Variants in DNAH7 observed in about 807,000 individuals in gnomAD.
DNAH7 encodes the protein axonemal beta dynein heavy chain 7.
Under a neutral mutation model 444.6 loss-of-function variants are expected in DNAH7, and 397 were observed. That is an observed-to-expected ratio of 0.89 (90% CI 0.82 to 0.97). The LOEUF is 0.97. DNAH7 is among the 50% of genes least tolerant of loss of function. The probability of loss-of-function intolerance (pLI) is 0.00; values close to 1 mark genes in which losing one functional copy is unlikely to be tolerated. For synonymous variants in DNAH7, 1,636 were observed against 1,624.4 expected (o/e 1.01, Z -0.17); for missense variants, 4,902 against 4,800.8 (o/e 1.02, Z -0.62).
At chr2:195,923,944 AT>A in intron 22 of DNAH7, 137 bp from the exon 23 acceptor site, 2 of 881,166 alleles carry the variant, frequency 2.3e-6, no homozygotes, top group Non-Finnish European at 3.4e-6. Flanking sequence ...TTTAAAAATA[AT>A]TTGTTTTTCT....
At chr2:196,055,992 T>C (rs1217505571) in intron 2 of DNAH7, among the ~76,000 whole-genome samples, 1 of 152,228 alleles carries the variant, frequency 6.6e-6, no homozygotes, top group Non-Finnish European at 1.5e-5. Context: ...TCTTATAGAA[T>C]ATTTTACAAA....
chr2:196,019,249 T>G lies in DNAH7; in HGVS notation c.790A>C (p.Ser264Arg). Residue 264 changes from serine to arginine, a missense_variant, in exon 9 of 65, where the codon AGC becomes CGC. Ser to Arg is a moderately radical substitution (Grantham distance 110). Coordinates refer to ENST00000312428, the MANE Select transcript of DNAH7 (RefSeq NM_018897.3). ...TTCAAGTGATCCCTAATATAACTGC[T>G]TGCAGCTAAAAAAGATTTCCTCCAA... ...KPWRKSFLAASSYIRDHLNAM... is the reference protein window; with the variant it reads ...KPWRKSFLAARSYIRDHLNAM... 3 of 1,506,700 alleles carry G rather than the reference T, an allele frequency of 2.0e-6. No individual in the cohort carries two copies. Among genetic ancestry groups the G allele is most frequent in the Non-Finnish European group, 2.7e-6 (3 of 1,113,492 alleles). 93.3% of individuals were successfully genotyped at this position (1,506,700 alleles called of 1,614,324 possible).
chr2:195,763,443 T>C (rs1300510589), intron 61 of DNAH7, among the ~76,000 whole-genome samples: 3 of 152,106 alleles, frequency 2.0e-5, no homozygotes, highest in African/African-American at 7.2e-5. Context: ...GAAAAGTTGA[T>C]TTTATGAAAA....
At chr2:195,930,877 C>T (rs1688646340) in intron 21 of DNAH7, among the ~76,000 whole-genome samples, 1 of 152,048 alleles carries the variant, frequency 6.6e-6, no homozygotes, top group African/African-American at 2.4e-5. Flanking sequence ...TTTGCAGCAA[C>T]ATGGATGCAG....
Position 195,754,502 on chromosome 2 carries a change from C to T in DNAH7, c.11599G>A (p.Val3867Ile), listed in dbSNP as rs1693973277. The T allele has an allele frequency of 6.2e-7, 1 of 1,613,772 alleles. No homozygotes were observed. The highest frequency in any genetic ancestry group is 1.3e-5 in the African/African-American group (1 of 74,898). The change falls in exon 63 of 65, where the codon GTT (valine) becomes ATT (isoleucine). Residue 3867 changes from valine (V) to isoleucine (I), a missense_variant. By Grantham distance (29) the Val-to-Ile change is conservative. Coordinates refer to ENST00000312428, the MANE Select transcript of DNAH7 (RefSeq NM_018897.3). ...AGCCAGAAGACTGGAGGAGGACCAACCTCATACCATTGCTAGGGTGTAAAA... is the reference window on the plus strand; with the variant it reads ...AGCCAGAAGACTGGAGGAGGACCAATCTCATACCATTGCTAGGGTGTAAAA... The part of the protein sequence containing the change: ...RLKFLQQWYE[V>I]GPPPVFWLSG...
At chr2:195,937,782 C>T (rs989624445) in intron 19 of DNAH7, among the ~76,000 whole-genome samples, 1 of 151,734 alleles carries the variant, frequency 6.6e-6, no homozygotes, top group South Asian at 2.1e-4. Flanking sequence ...ACATCATTGA[C>T]AATGTAAGGA....
intron 5 of DNAH7, among the ~76,000 whole-genome samples, chr2:196,041,935 C>T (rs1411204295): frequency 6.6e-6 from 1 of 151,948 alleles, no homozygotes; most frequent in African/African-American, 2.4e-5. Context: ...AGAAGATGTA[C>T]ATATGGCCAA....
chr2:195,992,510 T>G (rs1182817477), intron 12 of DNAH7, among the ~76,000 whole-genome samples: 1 of 152,212 alleles, frequency 6.6e-6, no homozygotes, highest in African/African-American at 2.4e-5. Context: ...TTTTGTGTTT[T>G]TTTGTTTGTT....
rs118149295 is a variant in DNAH7 at position 195,964,955 on chromosome 2, T to G, written c.2206-4010A>C. 0.019 allele frequency among the ~76,000 whole-genome samples: 2,948 copies of G among 152,234 alleles called. 242 individuals carry two copies. In the East Asian group the frequency reaches 0.27, roughly 14 times the overall value. The stretch of plus-strand genomic sequence containing the variant: ...CCTTTCCAGTTTGGATGCCCTTTAT[T>G]TCCTTCTCTCATTGGACTGCTGTAG... On this transcript the variant is annotated intron_variant, in intron 17 of 64. Coordinates refer to ENST00000312428, the MANE Select transcript of DNAH7 (RefSeq NM_018897.3).
At chr2:196,020,175 T>A (rs1174374173) in intron 8 of DNAH7, among the ~76,000 whole-genome samples, 1 of 152,176 alleles carries the variant, frequency 6.6e-6, no homozygotes, top group Non-Finnish European at 1.5e-5. Context: ...ACATAAAATA[T>A]GTTTTAATTG....
At chr2:195,836,238 C>A (rs1301881915) in intron 47 of DNAH7, among the ~76,000 whole-genome samples, 1 of 152,124 alleles carries the variant, frequency 6.6e-6, no homozygotes, top group Non-Finnish European at 1.5e-5. Context: ...ATGTTCAGGG[C>A]CAGCATGGTG....
chr2:195,803,905 A>T (rs1277132949), intron 54 of DNAH7, among the ~76,000 whole-genome samples: 1 of 152,188 alleles, frequency 6.6e-6, no homozygotes, highest in Non-Finnish European at 1.5e-5. Context: ...AACACTATAA[A>T]CTATTAAATT....
At chr2:195,869,642 C>T (rs557223002) in intron 40 of DNAH7, among the ~76,000 whole-genome samples, 4 of 152,168 alleles carry the variant, frequency 2.6e-5, no homozygotes, top group Non-Finnish European at 4.4e-5. Flanking sequence ...GGAGCTATTC[C>T]AGAGCATCAA....
At chr2:195,762,045 A>T (rs1259259255) in intron 61 of DNAH7, among the ~76,000 whole-genome samples, 1 of 152,204 alleles carries the variant, frequency 6.6e-6, no homozygotes, top group Non-Finnish European at 1.5e-5. Flanking sequence ...AGACAGAGAC[A>T]GTATAATAGG....
intron 21 of DNAH7, among the ~76,000 whole-genome samples, chr2:195,930,682 T>G (rs1688632615): frequency 6.6e-6 from 1 of 151,984 alleles, no homozygotes; most frequent in Non-Finnish European, 1.5e-5. Context: ...TGAGTATATA[T>G]CCAAAAGAAA....
chr2:195,881,615 T>C (rs1409330327), intron 36 of DNAH7, among the ~76,000 whole-genome samples, 180 bp downstream of exon 36: 2 of 151,330 alleles, frequency 1.3e-5, no homozygotes, highest in East Asian at 1.9e-4. Flanking sequence ...AAATAGGCAA[T>C]TATCACTTCT....
At position 195,960,660 on chromosome 2, in the gene DNAH7, C is replaced by T. The variant is rs765182375; in HGVS notation, c.2491G>A (p.Val831Met). The T allele has an allele frequency of 5.0e-6, 8 of 1,614,072 alleles. No homozygotes were observed. Among genetic ancestry groups the T allele is most frequent in the African/African-American group, 1.3e-5 (1 of 74,940 alleles). The change falls in exon 18 of 65, where the codon GTG becomes ATG. Residue 831 changes from valine to methionine, a missense_variant. Physicochemically the swap from Val to Met is conservative, Grantham distance 21. Transcript: ENST00000312428. ...GGAATGTGCTGCTTGAAATCTTCCA[C>T]CTTTGATCTTACTTTTTTTGTCATT... ...LAMTKKVRSK[V>M]EDFKQHIPLI...
chr2:195,900,573 C>T (rs946204744), intron 27 of DNAH7, 79 bp from the exon 28 acceptor site: 14 of 1,316,776 alleles, frequency 1.1e-5, no homozygotes, highest in Non-Finnish European at 1.5e-5. Flanking sequence ...ACCACACGCT[C>T]TCACTAATAT....
At chr2:195,809,669 AT>A in intron 52 of DNAH7, 75 bp downstream of exon 52, 1 of 1,279,546 alleles carries the variant, frequency 7.8e-7, no homozygotes, top group Middle Eastern at 2.1e-4. Context: ...TTTTATATAT[AT>A]TCCCATACAA....
Sources: gnomAD v4.1 joint callset for allele counts (sites outside exome capture counted in the v4.1 genomes callset) on GRCh38, gnomAD v4.1.1 for gene constraint, MANE v1.5 for transcripts, NCBI Gene and HGNC (gene_info 2026-07-23, HGNC 2026-07-21) for gene names.